The following ATP2B3 variants were observed in gnomAD, a reference collection of about 807,000 sequenced individuals.
The protein encoded by ATP2B3 is plasma membrane calcium-transporting ATPase 3.
In ATP2B3, 12 loss-of-function variants were observed where a neutral mutation model predicts 70.8. The observed-to-expected ratio is 0.17, with a 90% confidence interval of 0.11 to 0.27. The LOEUF is 0.27. ATP2B3 is among the 10% of genes least tolerant of loss of function. The pLI is 1.00. For missense variants in ATP2B3, 858 were observed against 1,118.5 expected, an observed-to-expected ratio of 0.77 and a Z score of 3.32; for synonymous variants, 460 against 497.8, an observed-to-expected ratio of 0.92 and a Z score of 1.01.
chrX:153,526,996 C>T (rs2090042870), intron 2 of ATP2B3, among the ~76,000 whole-genome samples: 1 of 112,375 alleles, frequency 8.9e-6, no homozygotes, highest in Non-Finnish European at 1.9e-5. Flanking sequence ...GTGTATGTGT[C>T]CTGGTAGCTC....
At chrX:153,521,315 C>T (rs1353496523) in intron 2 of ATP2B3, among the ~76,000 whole-genome samples, 1 of 112,954 alleles carries the variant, frequency 8.9e-6, no homozygotes, top group Middle Eastern at 4.6e-3. Flanking sequence ...TGGGAGCCTG[C>T]GGAGAAGGAT....
At position 153,542,375 on chromosome X, in the gene ATP2B3, C is replaced by T. The variant is rs1557007020; in HGVS notation, c.717C>T (p.Ile239=). Residue 239 remains isoleucine, a synonymous_variant, in exon 6 of 22, where the codon ATC becomes ATT. Transcript: ENST00000263519. Reference sequence around the variant, plus strand: ...TCATCCAGGCCAATGACCTCAAGATCGACGAGAGCTCCCTGACGGGCGAGT... The same window carrying T: ...TCATCCAGGCCAATGACCTCAAGATTGACGAGAGCTCCCTGACGGGCGAGT... ...GVLIQANDLK[I]DESSLTGESD... 5 of 1,211,572 alleles carry T rather than the reference C, an allele frequency of 4.1e-6. No individual in the cohort carries two copies. The highest frequency in any genetic ancestry group is 5.6e-6 in the Non-Finnish European group (5 of 895,523).
At chrX:153,537,629 C>T (rs2090212652) in intron 3 of ATP2B3, among the ~76,000 whole-genome samples, 1 of 112,776 alleles carries the variant, frequency 8.9e-6, no homozygotes, top group Non-Finnish European at 1.9e-5. Flanking sequence ...CCGTGACACC[C>T]GGCCTCGCCG....
At position 153,517,667 on chromosome X, in the gene ATP2B3, C is replaced by G. The variant is rs2124271349; in HGVS notation, c.-455C>G. On this transcript the variant is annotated 5_prime_UTR_variant, in exon 1 of 22. Coordinates refer to ENST00000263519, the MANE Select transcript of ATP2B3 (RefSeq NM_001001344.3). Reference sequence around the variant, plus strand: ...AGAGCTGCGGTTGGAGCCGAGCGCGCCGCGTCGCCCGCCGCCGGTGCAGAG... The same window carrying G: ...AGAGCTGCGGTTGGAGCCGAGCGCGGCGCGTCGCCCGCCGCCGGTGCAGAG... The G allele has an allele frequency of 9.3e-6, 1 of 107,857 alleles. No homozygotes were observed. Among genetic ancestry groups the G allele is most frequent in the South Asian group, 4.0e-4 (1 of 2,480 alleles). The allele number at this position is 107,857 out of a possible 1,213,427, so 8.9% of individuals were successfully genotyped here.
At chrX:153,538,414 G>A (rs113048421) in intron 3 of ATP2B3, among the ~76,000 whole-genome samples, 410 of 112,885 alleles carry the variant, frequency 3.6e-3, no homozygotes, top group African/African-American at 0.013. Flanking sequence ...TCAATCCACT[G>A]CCCTCCCTGT....
Position 153,582,900 on chromosome X carries a change from A to G in ATP2B3, c.*2602A>G, listed in dbSNP as rs2090934218. On this transcript the variant is annotated 3_prime_UTR_variant, in exon 22 of 22. Transcript: ENST00000263519. ...AGAATAGACCAAAATTTCTGTGTAT[A>G]AAAAAAAATGAAAGGCTCCTTACAT... 1 of 106,580 alleles carries G rather than the reference A, an allele frequency of 9.4e-6. No individual in the cohort carries two copies. Among genetic ancestry groups the G allele is most frequent in the African/African-American group, 3.9e-5 (1 of 25,896 alleles). The allele number at this position is 106,580 out of a possible 1,213,427, so 8.8% of individuals were successfully genotyped here. A position where few individuals can be genotyped will look rare whatever the true frequency, so the allele number is the denominator to read the frequency against.
intron 7 of ATP2B3, among the ~76,000 whole-genome samples, chrX:153,545,389 G>A (rs1302414268): frequency 8.8e-6 from 1 of 113,077 alleles, no homozygotes. Flanking sequence ...CACACACTGG[G>A]GCCAGGCACA....
Position 153,582,556 on chromosome X carries a change from A to G in ATP2B3, c.*2258A>G, listed in dbSNP as rs1384243635. On this transcript the variant is annotated 3_prime_UTR_variant, in exon 22 of 22. Coordinates refer to ENST00000263519, the MANE Select transcript of ATP2B3 (RefSeq NM_001001344.3). ...AAGCAAACCCTCACTGCTGCTGTAT[A>G]AAGTTGCCTAATGTAAATGTCTATT... 3 of 112,726 alleles carry G rather than the reference A, an allele frequency of 2.7e-5. No homozygotes were observed. The highest frequency in any genetic ancestry group is 5.6e-5 in the Non-Finnish European group (3 of 53,305). The allele number at this position is 112,726 out of a possible 1,213,427, so 9.3% of individuals were successfully genotyped here.
At chrX:153,540,263 G>A (rs1286146473) in intron 3 of ATP2B3, among the ~76,000 whole-genome samples, 1 of 112,076 alleles carries the variant, frequency 8.9e-6, no homozygotes, top group African/African-American at 3.2e-5. Flanking sequence ...GGTGGGCAGT[G>A]TCTCCCCGAC....
At chrX:153,566,272 C>T (rs1236899930) in intron 21 of ATP2B3, among the ~76,000 whole-genome samples, 5 of 112,603 alleles carry the variant, frequency 4.4e-5, no homozygotes, top group Non-Finnish European at 7.5e-5. Flanking sequence ...TGACATGGAG[C>T]GACTGACCCT....
chrX:153,528,676 G>A (rs948689769), intron 2 of ATP2B3, among the ~76,000 whole-genome samples: 15 of 112,047 alleles, frequency 1.3e-4, no homozygotes, highest in Admixed American at 1.0e-3. Context: ...TAGGGCCAGC[G>A]CAACAGCTAC....
At chrX:153,525,697 C>T (rs1201171244) in intron 2 of ATP2B3, among the ~76,000 whole-genome samples, 7 of 112,321 alleles carry the variant, frequency 6.2e-5, no homozygotes, top group Non-Finnish European at 1.1e-4. Context: ...AGCAGATGGT[C>T]CCACGTCTGG....
chrX:153,552,535 C>T (rs1021210600), intron 12 of ATP2B3, among the ~76,000 whole-genome samples: 1 of 112,199 alleles, frequency 8.9e-6, no homozygotes, highest in Non-Finnish European at 1.9e-5. Context: ...GCTGCCTGGA[C>T]GTGGTTATAG....
intron 2 of ATP2B3, among the ~76,000 whole-genome samples, chrX:153,535,870 C>A (rs1008054990): frequency 9.8e-5 from 11 of 112,395 alleles, no homozygotes; most frequent in Non-Finnish European, 1.9e-4. Flanking sequence ...CAGGAGGCAT[C>A]GACACTTCCC....
intron 12 of ATP2B3, among the ~76,000 whole-genome samples, chrX:153,551,420 T>G (rs1329925280): frequency 8.9e-6 from 1 of 112,342 alleles, no homozygotes; most frequent in Non-Finnish European, 1.9e-5. Flanking sequence ...GGGTTGTTTG[T>G]CTTTTTATTG....
At chrX:153,563,671 C>G (rs1444829073) in intron 20 of ATP2B3, among the ~76,000 whole-genome samples, 1 of 112,397 alleles carries the variant, frequency 8.9e-6, no homozygotes, top group Non-Finnish European at 1.9e-5. Context: ...ACTCTAACCA[C>G]AGCCCAGAGG....
chrX:153,563,136 C>CTTT (rs36131654), intron 20 of ATP2B3, among the ~76,000 whole-genome samples: 1,519 of 48,799 alleles, frequency 0.031, 103 homozygotes, highest in African/African-American at 0.075. Context: ...CTGGCTTTTC[C>CTTT]TTTTTTTTTT....
At chrX:153,538,814 G>T (rs112454513) in intron 3 of ATP2B3, among the ~76,000 whole-genome samples, 2 of 113,059 alleles carry the variant, frequency 1.8e-5, no homozygotes, top group Non-Finnish European at 3.7e-5. Context: ...TGGGGCAGCC[G>T]TCGGGACCCC....
Position 153,582,776 on chromosome X carries a change from A to G in ATP2B3, c.*2478A>G, listed in dbSNP as rs1192977416. 2.7e-5 allele frequency: 3 copies of G among 112,677 alleles called. No individual in the cohort carries two copies. Among genetic ancestry groups the G allele is most frequent in the African/African-American group, 9.7e-5 (3 of 30,876 alleles). The allele number at this position is 112,677 out of a possible 1,213,427, so 9.3% of individuals were successfully genotyped here. On this transcript the variant is annotated 3_prime_UTR_variant, in exon 22 of 22. Transcript: ENST00000263519. Reference sequence around the variant, plus strand: ...TGTTCAGTTCATAAATATGTTTTACATTTTTATCTGCCTGTTATAAAGATG... The same window carrying G: ...TGTTCAGTTCATAAATATGTTTTACGTTTTTATCTGCCTGTTATAAAGATG...
Sources: gnomAD v4.1 joint callset for allele counts (sites outside exome capture counted in the v4.1 genomes callset) on GRCh38, gnomAD v4.1.1 for gene constraint, MANE v1.5 for transcripts, NCBI Gene and HGNC (gene_info 2026-07-23, HGNC 2026-07-21) for gene names.